COL6A2: variants seen among roughly 807,000 people sequenced by gnomAD.
The protein encoded by COL6A2 is collagen alpha-2(VI) chain.
Under a neutral mutation model 124.9 loss-of-function variants are expected in COL6A2, and 90 were observed. The ratio of observed to expected loss-of-function variants is 0.72; its 90% CI spans 0.61 to 0.86. COL6A2 has a LOEUF of 0.86. COL6A2 is among the 40% of genes least tolerant of loss of function. COL6A2 has a pLI of 0.00. For missense variants in COL6A2, 1,607 were observed against 1,502.5 expected (o/e 1.07, Z -1.15); for synonymous variants, 793 against 618.2 (o/e 1.28, Z -4.19).
chr21:46,129,663 G>A (rs1392183110), intron 27 of COL6A2: 10 of 1,423,498 alleles, frequency 7.0e-6, no homozygotes, highest in Middle Eastern at 2.6e-4. Flanking sequence ...CATGCTGGTG[G>A]CCACCGTGTC....
Position 46,107,417 on chromosome 21 carries a change from T to A in COL6A2, c.-27-4033T>A, listed in dbSNP as rs568562030. Reference sequence around the variant, plus strand: ...CACGACCAAGAAGAAAATAAAAATATTTTACCCCAAAACATGTTTCTTTGC... The same window carrying A: ...CACGACCAAGAAGAAAATAAAAATAATTTACCCCAAAACATGTTTCTTTGC... On this transcript the variant is annotated intron_variant, in intron 1 of 27. Transcript: ENST00000300527. Among the ~76,000 whole-genome samples the A allele has an allele frequency of 6.6e-5, 10 of 152,280 alleles. No homozygotes were observed. The East Asian group carries it at 1.9e-3, about 29-fold the overall frequency.
chr21:46,099,895 T>G (rs1168893712), intron 1 of COL6A2, among the ~76,000 whole-genome samples: 1 of 142,528 alleles, frequency 7.0e-6, no homozygotes, highest in Non-Finnish European at 1.5e-5. Context: ...CTGTCTTTTT[T>G]TTTTTTTTTT....
chr21:46,132,274 A>T lies in COL6A2; in HGVS notation c.2782A>T (p.Ile928Phe). ...GAGVVHAINA[I>F]VRSPRGGARR... ...AGGCGTGGTGCACGCCATCAATGCC[A>T]TCGTGCGCAGCCCGCGTGGCGGGGC... The change falls in exon 28 of 28, where the codon ATC (isoleucine) becomes TTC (phenylalanine). Residue 928 changes from isoleucine (I) to phenylalanine (F), a missense_variant. By Grantham distance (21) the Ile-to-Phe change is conservative. Transcript: ENST00000300527. The T allele has an allele frequency of 6.2e-7, 1 of 1,606,824 alleles. No individual in the cohort carries two copies. The highest frequency in any genetic ancestry group is 2.2e-5 in the East Asian group (1 of 44,766).
rs1411301161 is a variant in COL6A2 at position 46,111,446 on chromosome 21, G to C, written c.-27-4G>C. The stretch of plus-strand genomic sequence containing the variant: ...TGTCTGAGCGACCCCCACCCCTGTT[G>C]CAGGACTTCAGGGCCACAGGTGCTG... On this transcript the variant is annotated splice_polypyrimidine_tract_variant and splice_region_variant and intron_variant, in intron 1 of 27. Coordinates refer to ENST00000300527, the MANE Select transcript of COL6A2 (RefSeq NM_001849.4). The C allele has an allele frequency of 1.3e-6, 2 of 1,571,720 alleles. No homozygotes were observed. Among genetic ancestry groups the C allele is most frequent in the Admixed American group, 3.4e-5 (2 of 59,618 alleles).
intron 1 of COL6A2, among the ~76,000 whole-genome samples, chr21:46,100,915 C>G (rs931897592): frequency 6.6e-6 from 1 of 152,170 alleles, no homozygotes; most frequent in Non-Finnish European, 1.5e-5. Context: ...GAGTATGTTC[C>G]CAGAAGTGGA....
At position 46,120,557 on chromosome 21, in the gene COL6A2, G is replaced by T; in HGVS notation, c.1375G>T (p.Val459Phe). 2 of 1,470,442 alleles carry T rather than the reference G, an allele frequency of 1.4e-6. No homozygotes were observed. The highest frequency in any genetic ancestry group is 9.0e-7 in the Non-Finnish European group (1 of 1,111,776). The allele number at this position is 1,470,442 out of a possible 1,614,324, so 91.1% of individuals were successfully genotyped here. Residue 459 changes from valine (V) to phenylalanine (F), a missense_variant, in exon 16 of 28, where the codon GTT (valine) becomes TTT (phenylalanine). Val to Phe is a conservative substitution (Grantham distance 50, BLOSUM62 -1). Around this residue, in one of 3 missense-constraint regions of COL6A2, gnomAD observed 1,223 missense variants for 1,052.2 expected, o/e 1.16. Coordinates refer to ENST00000300527, the MANE Select transcript of COL6A2 (RefSeq NM_001849.4). ...GGGGCCCCGCGGCCTGGCTGGAGAGGTTGGCAACAAAGGAGCCAAGGTAGG... is the reference window on the plus strand; with the variant it reads ...GGGGCCCCGCGGCCTGGCTGGAGAGTTTGGCAACAAAGGAGCCAAGGTAGG... The part of the protein sequence containing the change: ...PEGPRGLAGE[V>F]GNKGAKGDRG...
chr21:46,112,363 G>T lies in COL6A2; in HGVS notation c.500G>T (p.Gly167Val), dbSNP rs1440032567. 2 of 1,608,112 alleles carry T rather than the reference G, an allele frequency of 1.2e-6. No homozygotes were observed. Among genetic ancestry groups the T allele is most frequent in the East Asian group, 4.5e-5 (2 of 44,732 alleles). Residue 167 changes from glycine (G) to valine (V), a missense_variant, in exon 3 of 28, where the codon GGC becomes GTC. By Grantham distance (109) the Gly-to-Val change is moderately radical (BLOSUM62 -3). This residue lies in a region of COL6A2 where 342 missense variants were observed against 381.5 expected (regional missense o/e 0.90). Coordinates refer to ENST00000300527, the MANE Select transcript of COL6A2 (RefSeq NM_001849.4). ...GTCATCACCGACGGCCACGTCACCGGCAGCCCCTGCGGGGGCATCAAGCTG... is the reference window on the plus strand; with the variant it reads ...GTCATCACCGACGGCCACGTCACCGTCAGCCCCTGCGGGGGCATCAAGCTG... ...AVVITDGHVT[G>V]SPCGGIKLQA...
Position 46,121,587 on chromosome 21 carries a change from C to T in COL6A2, c.1490C>T (p.Pro497Leu). 3.7e-6 allele frequency: 6 copies of T among 1,612,794 alleles called. No homozygotes were observed. Among genetic ancestry groups the T allele is most frequent in the East Asian group, 2.2e-5 (1 of 44,852 alleles). The change falls in exon 18 of 28, where the codon CCC becomes CTC. Residue 497 changes from proline (P) to leucine (L), a missense_variant. This residue lies in a region of COL6A2 where 1,223 missense variants were observed against 1,052.2 expected (regional missense o/e 1.16). Transcript: ENST00000300527. Reference sequence around the variant, plus strand: ...CGGGGAGACCCCGGTGATGCAGGACCCCGTGGAGACTCAGGACAGCCAGGC... The same window carrying T: ...CGGGGAGACCCCGGTGATGCAGGACTCCGTGGAGACTCAGGACAGCCAGGC... Reference protein sequence around the residue: ...GSRGDPGDAGPRGDSGQPGPK... With the variant: ...GSRGDPGDAGLRGDSGQPGPK...
intron 27 of COL6A2, chr21:46,128,800 G>T: frequency 1.0e-6 from 1 of 959,406 alleles, no homozygotes; most frequent in South Asian, 1.3e-5. Context: ...GTTTACCACC[G>T]CAAGCTTTCT....
At chr21:46,121,205 G>C (rs374062787) in intron 17 of COL6A2, 82 bp downstream of exon 17, 1 of 1,374,444 alleles carries the variant, frequency 7.3e-7, no homozygotes, top group East Asian at 2.3e-5. Flanking sequence ...CCTGGAGCTA[G>C]CCACTGTCCC....
chr21:46,109,126 C>T (rs1294501420), intron 1 of COL6A2, among the ~76,000 whole-genome samples: 1 of 152,072 alleles, frequency 6.6e-6, no homozygotes, highest in African/African-American at 2.4e-5. Flanking sequence ...AGAGGAGGCC[C>T]TCGAGAGCGT....
At position 46,120,571 on chromosome 21, in the gene COL6A2, A is replaced by G. The variant is rs1372281497; in HGVS notation, c.1389A>G (p.Gly463=). Residue 463 remains glycine, a synonymous_variant, in exon 16 of 28, where the codon GGA becomes GGG. Coordinates refer to ENST00000300527, the MANE Select transcript of COL6A2 (RefSeq NM_001849.4). Reference sequence around the variant, plus strand: ...TGGCTGGAGAGGTTGGCAACAAAGGAGCCAAGGTAGGGGAGCAGGGTGGGC... The same window carrying G: ...TGGCTGGAGAGGTTGGCAACAAAGGGGCCAAGGTAGGGGAGCAGGGTGGGC... The part of the protein sequence containing the change: ...RGLAGEVGNK[G]AKGDRGLPGP... The G allele has an allele frequency of 2.0e-6, 3 of 1,464,410 alleles. No homozygotes were observed. Among genetic ancestry groups the G allele is most frequent in the Non-Finnish European group, 2.7e-6 (3 of 1,108,244 alleles). 90.7% of individuals were successfully genotyped at this position (1,464,410 alleles called of 1,614,324 possible).
chr21:46,132,679 A>T lies in COL6A2; in HGVS notation c.*127A>T. ...CGACGCCCTGGGCCTGCACCTCTCC[A>T]GCTCCTCCCACGGGGTCCCCGTAGC... On this transcript the variant is annotated 3_prime_UTR_variant, in exon 28 of 28. Transcript: ENST00000300527. 1.0e-6 allele frequency: 1 copy of T among 988,346 alleles called. No individual in the cohort carries two copies. The highest frequency in any genetic ancestry group is 1.5e-6 in the Non-Finnish European group (1 of 657,416). 61.2% of individuals were successfully genotyped at this position (988,346 alleles called of 1,614,324 possible). A position where few individuals can be genotyped will look rare whatever the true frequency, so the allele number is the denominator to read the frequency against.
In COL6A2 at chr21:46,118,069, G is replaced by T. The variant is rs563959808; in HGVS notation, c.1116+133G>T. ...ACTGGTCAGTGAGGAGCCAATGGCC[G>T]TGGGATGTGGTGGAGGGTGCCCTGC... On this transcript the variant is annotated intron_variant, in intron 12 of 27. Transcript: ENST00000300527. 106 of 826,906 alleles carry T rather than the reference G, an allele frequency of 1.3e-4. 1 individual carries two copies. Among genetic ancestry groups the T allele is most frequent in the African/African-American group, 4.8e-4 (28 of 58,442 alleles). 51.2% of individuals were successfully genotyped at this position (826,906 alleles called of 1,614,324 possible). A position where few individuals can be genotyped will look rare whatever the true frequency, so the allele number is the denominator to read the frequency against.
chr21:46,116,228 A>AG lies in COL6A2; in HGVS notation c.901-146dup. On this transcript the variant is annotated intron_variant, in intron 7 of 27. Coordinates refer to ENST00000300527, the MANE Select transcript of COL6A2 (RefSeq NM_001849.4). The surrounding 1 kb of genome is among the most constrained non-coding windows in gnomAD (Gnocchi z 4.6). The stretch of plus-strand genomic sequence containing the variant: ...CAAAACCCAGCCTCCAGCCCGACCC[A>AG]GGGCTCAGCCTCCTCCGCAGACTGT... 8.7e-7 allele frequency: 1 copy of AG among 1,155,904 alleles called. No individual in the cohort carries two copies. The highest frequency in any genetic ancestry group is 1.3e-6 in the Non-Finnish European group (1 of 792,518). The allele number at this position is 1,155,904 out of a possible 1,614,324, so 71.6% of individuals were successfully genotyped here.
intron 27 of COL6A2, among the ~76,000 whole-genome samples, chr21:46,127,960 CCT>C (rs990907956): frequency 9.2e-5 from 14 of 152,216 alleles, no homozygotes; most frequent in African/African-American, 1.9e-4. Context: ...GGTGTGTGGC[CCT>C]GTTTATGCAC....
In COL6A2 at chr21:46,116,016, C is replaced by A; in HGVS notation, c.863C>A (p.Pro288Gln). ...CTGCGTTGTCCTTCACAGGGAGACC[C>A]GGGCATCGAAGGCCCCATTGGATTC... The part of the protein sequence containing the change: ...EPGQKGRQGD[P>Q]GIEGPIGFPG... Residue 288 changes from proline (P) to glutamine (Q), a missense_variant, in exon 7 of 28, where the codon CCG becomes CAG. Around this residue, in one of 3 missense-constraint regions of COL6A2, gnomAD observed 42 missense variants for 68.7 expected, o/e 0.61. Coordinates refer to ENST00000300527, the MANE Select transcript of COL6A2 (RefSeq NM_001849.4). This position sits in a 1 kb window ranked among gnomAD's most constrained non-coding sequence, Gnocchi z 4.6. 6.2e-7 allele frequency: 1 copy of A among 1,608,224 alleles called. No homozygotes were observed. Among genetic ancestry groups the A allele is most frequent in the Non-Finnish European group, 8.5e-7 (1 of 1,177,902 alleles).
chr21:46,111,004 A>T (rs1395085119), intron 1 of COL6A2, among the ~76,000 whole-genome samples: 1 of 152,152 alleles, frequency 6.6e-6, no homozygotes, highest in Non-Finnish European at 1.5e-5. Flanking sequence ...GGCTGGAGAG[A>T]GAGTGCCTAG....
chr21:46,124,613 G>A (rs753720142), intron 21 of COL6A2, 38 bp from the exon 22 acceptor site: 7 of 1,605,238 alleles, frequency 4.4e-6, no homozygotes, highest in Non-Finnish European at 3.4e-6. Flanking sequence ...GACTGTCCCT[G>A]GGGCCACTGA....
Sources: allele counts gnomAD v4.1 joint callset (sites outside exome capture counted in the v4.1 genomes callset), GRCh38; gene constraint gnomAD v4.1.1; regional missense constraint gnomAD v4.1.1; non-coding constraint Gnocchi (gnomAD v3.1); transcripts MANE v1.5; gene names NCBI Gene and HGNC (gene_info 2026-07-23, HGNC 2026-07-21).